Variants in SPTY2D1 observed in about 807,000 individuals in gnomAD.
The protein encoded by SPTY2D1 is protein SPT2 homolog.
In SPTY2D1, 21 loss-of-function variants were observed where a neutral mutation model predicts 64.0. That is an observed-to-expected ratio of 0.33 (90% CI 0.23 to 0.47). The LOEUF (loss-of-function observed/expected upper bound fraction) is 0.47. Ranked by LOEUF, SPTY2D1 falls within the 20% of genes least tolerant of loss-of-function variation. SPTY2D1 has a pLI of 1.00. For synonymous variants in SPTY2D1, 287 were observed against 286.8 expected (o/e 1.00, Z -0.01); for missense variants, 724 against 837.2 (o/e 0.86, Z 1.67).
intron 5 of SPTY2D1, chr11:18,610,167 C>T: frequency 2.2e-6 from 1 of 463,350 alleles, no homozygotes; most frequent in South Asian, 4.5e-5. Context: ...TCACACACCA[C>T]AAAAACCTTA....
intron 3 of SPTY2D1, 76 bp downstream of exon 3, chr11:18,614,487 G>A (rs1226130186): frequency 7.1e-7 from 1 of 1,406,332 alleles, no homozygotes; most frequent in East Asian, 2.3e-5. Flanking sequence ...GGTTCAAAGG[G>A]TCCCTGATAA....
In SPTY2D1 at chr11:18,634,216, T is replaced by C; in HGVS notation, c.42A>G (p.Gln14=). 2 of 1,614,196 alleles carry C rather than the reference T, an allele frequency of 1.2e-6. No homozygotes were observed. The highest frequency in any genetic ancestry group is 1.7e-6 in the Non-Finnish European group (2 of 1,180,028). Residue 14 remains glutamine, a synonymous_variant, in exon 1 of 6, where the codon CAA becomes CAG. Transcript: ENST00000336349. Reference sequence around the variant, plus strand: ...TACTTACCGGCACATTGTTGACACCTTGTCCCTTGGAAGCTATCATGAGAA... The same window carrying C: ...TACTTACCGGCACATTGTTGACACCCTGTCCCTTGGAAGCTATCATGAGAA... ...REILMIASKG[Q]GVNNVPKRYS... is the part of the protein sequence containing the mutation.
intron 1 of SPTY2D1, among the ~76,000 whole-genome samples, 172 bp downstream of exon 1, chr11:18,634,026 A>G (rs79151962): frequency 0.075 from 11,418 of 152,224 alleles, 590 homozygotes; most frequent in East Asian, 0.22. Flanking sequence ...TCTCGTCCCA[A>G]GCTCTTTTCT....
At position 18,618,358 on chromosome 11, in the gene SPTY2D1, C is replaced by G. The variant is rs574027736; in HGVS notation, c.61-1369G>C. On this transcript the variant is annotated intron_variant, in intron 1 of 5. Coordinates refer to ENST00000336349, the MANE Select transcript of SPTY2D1 (RefSeq NM_194285.3). ...AAAAAAAGCTTACATTATCCTGGCA[C>G]AGATGAAGTCTCTGGACCTCAGTTT... 2.5e-3 allele frequency among the ~76,000 whole-genome samples: 387 copies of G among 152,260 alleles called. 2 individuals are homozygous for G. Among genetic ancestry groups the G allele is most frequent in the African/African-American group, 8.7e-3 (362 of 41,556 alleles).
In SPTY2D1 at chr11:18,634,099, C is replaced by T. The variant is rs1291946981; in HGVS notation, c.60+99G>A. 11 of 1,365,864 alleles carry T rather than the reference C, an allele frequency of 8.1e-6. No individual in the cohort carries two copies. In the African/African-American group the frequency reaches 1.0e-4, roughly 13 times the overall value. The allele number at this position is 1,365,864 out of a possible 1,614,324, so 84.6% of individuals were successfully genotyped here. Reference sequence around the variant, plus strand: ...TAAGGCGTCCGGGTCTTTCCTCTCCCGGAGCCGATAGGCGGCTGCCCAGAA... The same window carrying T: ...TAAGGCGTCCGGGTCTTTCCTCTCCTGGAGCCGATAGGCGGCTGCCCAGAA... On this transcript the variant is annotated intron_variant, in intron 1 of 5. Coordinates refer to ENST00000336349, the MANE Select transcript of SPTY2D1 (RefSeq NM_194285.3).
In SPTY2D1 at chr11:18,616,881, G is replaced by A. The variant is rs757488583; in HGVS notation, c.169C>T (p.Arg57Ter). 3 of 1,613,730 alleles carry A rather than the reference G, an allele frequency of 1.9e-6. No homozygotes were observed. The highest frequency in any genetic ancestry group is 1.7e-5 in the Admixed American group (1 of 59,962). ...TAAGGCTATAGATACATACCTTTTC[G>A]TCTCAGCTCCTCTTCTTTCCTTTTA... ...FLKRKEEELRRKALEEKRRKE... is the reference protein window; with the variant it reads ...FLKRKEEELR The change falls in exon 2 of 6, where the codon CGA becomes TGA. Residue 57 changes from arginine (R) to a stop codon, truncating the protein, a stop_gained. Transcript: ENST00000336349. LOFTEE classifies it high-confidence loss of function.
chr11:18,622,088 A>AAAAAAAAAAAAC (rs1554988486), intron 1 of SPTY2D1, among the ~76,000 whole-genome samples: 1 of 145,006 alleles, frequency 6.9e-6, no homozygotes, highest in Non-Finnish European at 1.5e-5. Flanking sequence ...CCCTATCTCA[A>AAAAAAAAAAAAC]AAAAAAAAAA....
intron 1 of SPTY2D1, among the ~76,000 whole-genome samples, chr11:18,618,590 T>C (rs980743188): frequency 2.0e-5 from 3 of 152,206 alleles, no homozygotes; most frequent in African/African-American, 7.2e-5. Flanking sequence ...CCTCCTTTTT[T>C]TGTTTTGTTA....
intron 1 of SPTY2D1, among the ~76,000 whole-genome samples, chr11:18,628,619 A>C (rs758163544): frequency 6.6e-6 from 1 of 152,226 alleles, no homozygotes; most frequent in Non-Finnish European, 1.5e-5. Flanking sequence ...TTTCTGCTGT[A>C]GGATTATCTG....
At chr11:18,630,967 T>C (rs1854577558) in intron 1 of SPTY2D1, among the ~76,000 whole-genome samples, 1 of 152,076 alleles carries the variant, frequency 6.6e-6, no homozygotes, top group African/African-American at 2.4e-5. Context: ...GCCTCCTGAG[T>C]AGCTGAGATT....
At position 18,608,783 on chromosome 11, in the gene SPTY2D1, G is replaced by GA. The variant is rs1003942026; in HGVS notation, c.*1077dup. 2.6e-5 allele frequency: 4 copies of GA among 152,466 alleles called. No individual in the cohort carries two copies. Among genetic ancestry groups the GA allele is most frequent in the Admixed American group, 6.6e-5 (1 of 15,254 alleles). 9.4% of individuals were successfully genotyped at this position (152,466 alleles called of 1,614,324 possible). On this transcript the variant is annotated 3_prime_UTR_variant, in exon 6 of 6. Coordinates refer to ENST00000336349, the MANE Select transcript of SPTY2D1 (RefSeq NM_194285.3). ...CAGGGAACATCCCTTCCTACCTGGG[G>GA]AAAAAAATCTCTTCACAGTGCATAG...
chr11:18,611,709 G>C (rs377416861), intron 4 of SPTY2D1, among the ~76,000 whole-genome samples, 155 bp from the exon 5 acceptor site: 6 of 152,288 alleles, frequency 3.9e-5, no homozygotes, highest in African/African-American at 1.4e-4. Flanking sequence ...GGGAGTGGAG[G>C]ATGGATAGGT....
At chr11:18,617,324 G>A (rs1396897028) in intron 1 of SPTY2D1, among the ~76,000 whole-genome samples, 4 of 152,124 alleles carry the variant, frequency 2.6e-5, no homozygotes, top group African/African-American at 9.7e-5. Flanking sequence ...TCGATTATTT[G>A]TGTTTTAAAA....
chr11:18,632,489 C>T (rs1854604485), intron 1 of SPTY2D1, among the ~76,000 whole-genome samples: 1 of 152,000 alleles, frequency 6.6e-6, no homozygotes, highest in South Asian at 2.1e-4. Flanking sequence ...GCTGGGATTA[C>T]AGGCGCACAC....
rs778757309 is a variant in SPTY2D1 at position 18,615,404 on chromosome 11, T to C, written c.870A>G (p.Ala290=). 3 of 1,614,246 alleles carry C rather than the reference T, an allele frequency of 1.9e-6. No individual in the cohort carries two copies. The highest frequency in any genetic ancestry group is 2.5e-6 in the Non-Finnish European group (3 of 1,180,038). ...AGGGTTGGGAGCTATTGCCAGATCC[T>C]GCCTTGATCCTCTCTCCTGGCATGG... ...SKSMPGERIK[A]GSGNSSQPSL... is the part of the protein sequence containing the mutation. The change falls in exon 3 of 6, where the codon GCA becomes GCG. Residue 290 remains alanine, a synonymous_variant. Transcript: ENST00000336349.
chr11:18,634,161 T>C (rs762074794), intron 1 of SPTY2D1, 37 bp downstream of exon 1: 1 of 1,612,338 alleles, frequency 6.2e-7, no homozygotes, highest in East Asian at 2.2e-5. Flanking sequence ...CTTGGAAGAC[T>C]AGGGTCCCCT....
rs1345195884 is a variant in SPTY2D1, at chr11:18,615,111, C to T, written c.1163G>A (p.Arg388Gln). ...APGQPSTGVA[R>Q]PTVSSGPVPR... ...CACAGGGCCAGAACTAACTGTGGGT[C>T]GAGCAACCCCTGTGCTGGGCTGCCC... The change falls in exon 3 of 6, where the codon CGA becomes CAA. Residue 388 changes from arginine (R) to glutamine (Q), a missense_variant. Arg to Gln is a conservative substitution (Grantham distance 43). This residue lies in a region of SPTY2D1 where 426 missense variants were observed against 431.8 expected (regional missense o/e 0.99). Transcript: ENST00000336349. The T allele has an allele frequency of 5.6e-6, 9 of 1,614,056 alleles. No individual in the cohort carries two copies. The highest frequency in any genetic ancestry group is 1.7e-5 in the Admixed American group (1 of 60,010).
intron 1 of SPTY2D1, among the ~76,000 whole-genome samples, chr11:18,618,769 C>G (rs563746833): frequency 6.6e-6 from 1 of 152,212 alleles, no homozygotes; most frequent in Non-Finnish European, 1.5e-5. Flanking sequence ...TACTATAAGG[C>G]TGCCAAATAC....
chr11:18,617,191 A>C (rs1854312824), intron 1 of SPTY2D1, among the ~76,000 whole-genome samples: 1 of 152,206 alleles, frequency 6.6e-6, no homozygotes, highest in Admixed American at 6.5e-5. Context: ...TTGGGGTACA[A>C]AGTTTCCATG....
Sources: allele counts gnomAD v4.1 joint callset (sites outside exome capture counted in the v4.1 genomes callset), GRCh38; gene constraint gnomAD v4.1.1; regional missense constraint gnomAD v4.1.1; transcripts MANE v1.5; gene names NCBI Gene and HGNC (gene_info 2026-07-23, HGNC 2026-07-21).